Variants in GPC5 observed in about 807,000 individuals in gnomAD.
GPC5 encodes the protein glypican 5.
In GPC5, 47 loss-of-function variants were observed where a neutral mutation model predicts 53.9. The observed-to-expected ratio is 0.87, with a 90% CI of 0.69 to 1.11. The LOEUF (loss-of-function observed/expected upper bound fraction) is 1.11. Among genes scored for constraint, GPC5 ranks in the 50% most tolerant of loss-of-function variants. GPC5 has a pLI of 0.00. For synonymous variants in GPC5, 286 were observed against 263.3 expected (o/e 1.09, Z -0.84); for missense variants, 748 against 713.1 (o/e 1.05, Z -0.56).
chr13:92,737,766 CTTTTTTT>C (rs33914729), intron 7 of GPC5, among the ~76,000 whole-genome samples: 2 of 102,136 alleles, frequency 2.0e-5, no homozygotes, highest in Middle Eastern at 0.01. Flanking sequence ...TTTTCTTTTT[CTTTTTTT>C]TTTTTTTTTT....
intron 3 of GPC5, among the ~76,000 whole-genome samples, chr13:91,713,045 G>T (rs1250644057): frequency 5.3e-5 from 8 of 152,072 alleles, no homozygotes; most frequent in Admixed American, 2.6e-4. Context: ...GCAAAAATTA[G>T]CTGGGCATGG....
intron 7 of GPC5, among the ~76,000 whole-genome samples, chr13:92,182,735 G>C (rs2042155854): frequency 6.6e-6 from 1 of 152,116 alleles, no homozygotes; most frequent in South Asian, 2.1e-4. Context: ...CGGGCGCGGT[G>C]GTGGGCGCCT....
At chr13:92,777,192 C>G (rs923897636) in intron 7 of GPC5, among the ~76,000 whole-genome samples, 1 of 150,768 alleles carries the variant, frequency 6.6e-6, no homozygotes, top group East Asian at 2.0e-4. Context: ...AAAAACTAGC[C>G]GGGCATGGAG....
chr13:91,417,084 T>G (rs189490073), intron 1 of GPC5, among the ~76,000 whole-genome samples: 82 of 152,240 alleles, frequency 5.4e-4, no homozygotes, highest in African/African-American at 1.9e-3. Context: ...GGGGAGTATT[T>G]AGAAGGCAGA....
At chr13:92,554,937 G>GTTT (rs148890213) in intron 7 of GPC5, among the ~76,000 whole-genome samples, 23 of 147,134 alleles carry the variant, frequency 1.6e-4, no homozygotes, top group Non-Finnish European at 2.9e-4. Context: ...TAAGTTTTGA[G>GTTT]TTTGTTTTTT....
chr13:92,554,405 A>G (rs956460439), intron 7 of GPC5, among the ~76,000 whole-genome samples: 1 of 151,842 alleles, frequency 6.6e-6, no homozygotes, highest in African/African-American at 2.4e-5. Context: ...ATTAAAAGCA[A>G]CAATAAGCCA....
chr13:92,616,122 A>G (rs1445390177), intron 7 of GPC5, among the ~76,000 whole-genome samples: 2 of 152,212 alleles, frequency 1.3e-5, no homozygotes, highest in African/African-American at 4.8e-5. Context: ...AAAAGCATGT[A>G]AAGCAAATGA....
chr13:92,400,788 A>G (rs41536645), intron 7 of GPC5, among the ~76,000 whole-genome samples: 17,944 of 152,232 alleles, frequency 0.12, 1,212 homozygotes, highest in East Asian at 0.31. Context: ...AACCTTCCAA[A>G]TAAAGAGATA....
At chr13:92,180,747 T>C in intron 7 of GPC5, 1 of 179,884 alleles carries the variant, frequency 5.6e-6, no homozygotes, top group Admixed American at 5.8e-5. Context: ...CAAGTACAGC[T>C]GACACTGTTC....
intron 2 of GPC5, among the ~76,000 whole-genome samples, chr13:91,675,178 G>A (rs1204408923): frequency 6.6e-6 from 1 of 151,240 alleles, no homozygotes; most frequent in Non-Finnish European, 1.5e-5. Flanking sequence ...AAAACCTATT[G>A]GGTATATGGG....
rs368588843 is a variant in GPC5, at chr13:92,445,714, A to G, written c.1561+300725A>G. Among the ~76,000 whole-genome samples the G allele has an allele frequency of 3.3e-4, 50 of 151,898 alleles. 1 individual carries two copies. The East Asian group carries it at 4.9e-3, about 15-fold the overall frequency. ...CCACATTTTCTTAATCCAGTCTATC[A>G]TTGTTGGACGTTTGGGTTGGTTCCA... On this transcript the variant is annotated intron_variant, in intron 7 of 7. Coordinates refer to ENST00000377067, the MANE Select transcript of GPC5 (RefSeq NM_004466.6).
chr13:92,174,568 AC>A (rs1380959052), intron 7 of GPC5, among the ~76,000 whole-genome samples: 1 of 151,610 alleles, frequency 6.6e-6, no homozygotes, highest in Non-Finnish European at 1.5e-5. Flanking sequence ...AACAACAACA[AC>A]AAAAAAAACA....
At chr13:92,804,460 G>C (rs917007510) in intron 7 of GPC5, among the ~76,000 whole-genome samples, 1 of 151,938 alleles carries the variant, frequency 6.6e-6, no homozygotes, top group Admixed American at 6.6e-5. Flanking sequence ...ATTTACACTA[G>C]TCTATTAAAT....
At chr13:91,456,084 G>C (rs1594112194) in intron 2 of GPC5, among the ~76,000 whole-genome samples, 1 of 152,166 alleles carries the variant, frequency 6.6e-6, no homozygotes, top group South Asian at 2.1e-4. Context: ...CTCCTCCCCA[G>C]ATAGTGAGAT....
chr13:91,622,931 A>G (rs745714452), intron 2 of GPC5, among the ~76,000 whole-genome samples: 3 of 152,174 alleles, frequency 2.0e-5, no homozygotes, highest in Non-Finnish European at 4.4e-5. Flanking sequence ...TCCATGATTC[A>G]TAGGCTGAGG....
At chr13:92,561,216 T>C (rs2139029125) in intron 7 of GPC5, among the ~76,000 whole-genome samples, 1 of 152,082 alleles carries the variant, frequency 6.6e-6, no homozygotes, top group South Asian at 2.1e-4. Flanking sequence ...TTCAGTAAGT[T>C]ATGCTGCGCT....
intron 7 of GPC5, among the ~76,000 whole-genome samples, chr13:92,587,838 G>T (rs1226572153): frequency 2.0e-5 from 3 of 151,916 alleles, no homozygotes; most frequent in African/African-American, 4.8e-5. Flanking sequence ...ATTCTCTGTG[G>T]TTAGGTGTAA....
Position 92,381,897 on chromosome 13 carries a change from A to ATATCATATAT in GPC5, c.1561+236908_1561+236909insTATCATATAT, listed in dbSNP as rs1218262542. ...ATATATGATTATATATATTATATAT[A>ATATCATATAT]ATCATATATATGATATATATAATCA... On this transcript the variant is annotated intron_variant, in intron 7 of 7. Coordinates refer to ENST00000377067, the MANE Select transcript of GPC5 (RefSeq NM_004466.6). 2.1e-3 allele frequency among the ~76,000 whole-genome samples: 216 copies of ATATCATATAT among 101,290 alleles called. 6 individuals carry two copies. The highest frequency in any genetic ancestry group is 2.8e-3 in the Non-Finnish European group (140 of 49,834). 66.5% of individuals were successfully genotyped at this position (101,290 alleles called of 152,430 possible).
chr13:91,702,601 A>G (rs2036016682), intron 3 of GPC5, among the ~76,000 whole-genome samples: 1 of 151,996 alleles, frequency 6.6e-6, no homozygotes, highest in Admixed American at 6.5e-5. Context: ...CTTATTGCAC[A>G]ATATTGCTTT....
Sources: gnomAD v4.1 joint callset for allele counts (sites outside exome capture counted in the v4.1 genomes callset) on GRCh38, gnomAD v4.1.1 for gene constraint, MANE v1.5 for transcripts, NCBI Gene and HGNC (gene_info 2026-07-23, HGNC 2026-07-21) for gene names.